The following LDLRAD4 variants were observed in gnomAD, a reference collection of about 807,000 sequenced individuals.
LDLRAD4 encodes the protein low-density lipoprotein receptor class A domain-containing protein 4.
Under a neutral mutation model 17.0 loss-of-function variants are expected in LDLRAD4, and 5 were observed. The observed-to-expected ratio is 0.29, with a 90% CI of 0.15 to 0.62. The LOEUF (loss-of-function observed/expected upper bound fraction) is 0.62, where lower values mean the gene tolerates loss of function less well. Among genes scored for constraint, LDLRAD4 ranks in the 20% least tolerant of loss-of-function variants. The pLI is 0.84. For synonymous variants in LDLRAD4, 168 were observed against 171.8 expected (o/e 0.98, Z 0.17); for missense variants, 340 against 424.7 (o/e 0.80, Z 1.75).
intron 3 of LDLRAD4, among the ~76,000 whole-genome samples, chr18:13,445,584 G>A (rs376231770): frequency 1.2e-4 from 18 of 151,850 alleles, no homozygotes; most frequent in Non-Finnish European, 2.4e-4. Context: ...GTGTGTATGC[G>A]TGAGGGTCTA....
At chr18:13,499,936 C>T (rs1201610919) in intron 3 of LDLRAD4, among the ~76,000 whole-genome samples, 1 of 152,192 alleles carries the variant, frequency 6.6e-6, no homozygotes, top group East Asian at 1.9e-4. Context: ...GTCCTAATGA[C>T]AAAAGACACC....
chr18:13,480,616 G>A (rs2093059590), intron 3 of LDLRAD4, among the ~76,000 whole-genome samples: 1 of 152,214 alleles, frequency 6.6e-6, no homozygotes, highest in African/African-American at 2.4e-5. Context: ...GCCACTCTGT[G>A]TGGGATGTGA....
Position 13,435,970 on chromosome 18 carries a change from A to G in LDLRAD4, c.41-2274A>G, listed in dbSNP as rs2090628421. Reference sequence around the variant, plus strand: ...GAAACTGAGGCAGTGCTATGAGATGAGGCAAAATGGAATAAAATGGGAAGA... The same window carrying G: ...GAAACTGAGGCAGTGCTATGAGATGGGGCAAAATGGAATAAAATGGGAAGA... On this transcript the variant is annotated intron_variant, in intron 2 of 5. Coordinates refer to ENST00000359446, the Ensembl canonical transcript of LDLRAD4. Among the ~76,000 whole-genome samples, 4 of 152,242 alleles carry G rather than the reference A, an allele frequency of 2.6e-5. No individual in the cohort carries two copies. The South Asian group carries it at 8.3e-4, about 32-fold the overall frequency.
chr18:13,565,251 G>C (rs1030560239), intron 3 of LDLRAD4, among the ~76,000 whole-genome samples: 1 of 152,218 alleles, frequency 6.6e-6, no homozygotes, highest in Non-Finnish European at 1.5e-5. Flanking sequence ...GGGTTGGCCA[G>C]GGGTGTCCAG....
At chr18:13,642,669 T>G in intron 4 of LDLRAD4, 7 of 1,231,440 alleles carry the variant, frequency 5.7e-6, no homozygotes, top group Non-Finnish European at 7.1e-6. Context: ...GGGCCACCTC[T>G]GCCAGGGCTT....
In LDLRAD4 at chr18:13,346,557, A is replaced by C. The variant is rs1306190089; in HGVS notation, c.-382-40784A>C. Reference sequence around the variant, plus strand: ...GCTGAAAAGAATGTATATTCTGTTGATTTGGGGTGGAGAGTTCTGTAGATG... The same window carrying C: ...GCTGAAAAGAATGTATATTCTGTTGCTTTGGGGTGGAGAGTTCTGTAGATG... On this transcript the variant is annotated intron_variant, in intron 1 of 5. Transcript: ENST00000359446. Among the ~76,000 whole-genome samples, 5 of 152,104 alleles carry C rather than the reference A, an allele frequency of 3.3e-5. No homozygotes were observed. In the East Asian group the frequency reaches 9.6e-4, roughly 29 times the overall value.
At chr18:13,387,576 G>T in exon 2 of LDLRAD4, 1 of 719,594 alleles carries the variant, frequency 1.4e-6, no homozygotes, top group Non-Finnish European at 2.4e-6. Flanking sequence ...CGAGAGCCGG[G>T]CAGGTGGGCC....
exon 6 of LDLRAD4, chr18:13,647,623 A>C (rs1032596042): frequency 6.6e-6 from 1 of 152,318 alleles, no homozygotes; most frequent in Non-Finnish European, 1.5e-5. Context: ...CTCTGTAGAT[A>C]GGTCACTGGT....
intron 1 of LDLRAD4, among the ~76,000 whole-genome samples, chr18:13,234,627 C>T (rs567729199): frequency 4.1e-4 from 62 of 152,234 alleles, no homozygotes; most frequent in African/African-American, 1.5e-3. Flanking sequence ...TCACCTGAGC[C>T]TCCGTGGGTT....
intron 3 of LDLRAD4, among the ~76,000 whole-genome samples, chr18:13,447,953 C>T (rs79111919): frequency 0.018 from 2,749 of 152,272 alleles, 95 homozygotes; most frequent in African/African-American, 0.063. Context: ...TAGAAATCAA[C>T]GTGATCCTGC....
chr18:13,389,335 C>T (rs180751512), intron 2 of LDLRAD4, among the ~76,000 whole-genome samples: 21 of 152,104 alleles, frequency 1.4e-4, no homozygotes, highest in African/African-American at 5.1e-4. Flanking sequence ...ATACTCCTCC[C>T]CTCCAGTCAG....
At chr18:13,419,219 C>T (rs1380050460) in intron 2 of LDLRAD4, among the ~76,000 whole-genome samples, 2 of 152,130 alleles carry the variant, frequency 1.3e-5, no homozygotes, top group East Asian at 1.9e-4. Flanking sequence ...GACATCTGTA[C>T]GTAGACATCT....
intron 1 of LDLRAD4, among the ~76,000 whole-genome samples, chr18:13,326,939 A>C (rs1416641034): frequency 3.9e-5 from 6 of 152,108 alleles, no homozygotes; most frequent in African/African-American, 1.4e-4. Flanking sequence ...TGCTTACTGA[A>C]GTGTAAAATA....
At chr18:13,506,285 T>C (rs1185200417) in intron 3 of LDLRAD4, among the ~76,000 whole-genome samples, 3 of 151,722 alleles carry the variant, frequency 2.0e-5, no homozygotes, top group African/African-American at 7.3e-5. Flanking sequence ...TTTTGTTACA[T>C]ATGTGTACAT....
At chr18:13,418,825 C>A (rs780330150) in intron 2 of LDLRAD4, among the ~76,000 whole-genome samples, 7 of 152,148 alleles carry the variant, frequency 4.6e-5, no homozygotes, top group Non-Finnish European at 7.3e-5. Context: ...GAAGCTAAGC[C>A]GCCACACCTG....
chr18:13,598,191 C>T (rs1470321473), intron 3 of LDLRAD4, among the ~76,000 whole-genome samples: 1 of 152,194 alleles, frequency 6.6e-6, no homozygotes, highest in Non-Finnish European at 1.5e-5. Context: ...GTTGTTTTCT[C>T]ATTTATTTAG....
intron 1 of LDLRAD4, among the ~76,000 whole-genome samples, chr18:13,293,780 T>C (rs916095177): frequency 6.6e-6 from 1 of 152,240 alleles, no homozygotes; most frequent in Non-Finnish European, 1.5e-5. Flanking sequence ...TTAGTCATTG[T>C]CACTTCCACT....
chr18:13,281,718 T>C (rs1433977073), intron 1 of LDLRAD4, among the ~76,000 whole-genome samples: 1 of 152,186 alleles, frequency 6.6e-6, no homozygotes, highest in Admixed American at 6.5e-5. Context: ...TGAAAGAGTT[T>C]CTGAGTTCTT....
intron 3 of LDLRAD4, among the ~76,000 whole-genome samples, chr18:13,502,110 GA>G (rs1237793705): frequency 6.6e-6 from 1 of 152,214 alleles, no homozygotes; most frequent in Non-Finnish European, 1.5e-5. Flanking sequence ...TACTCATTGT[GA>G]AAGTTTTTGC....
Sources: allele counts gnomAD v4.1 joint callset (sites outside exome capture counted in the v4.1 genomes callset), GRCh38; gene constraint gnomAD v4.1.1; transcripts MANE v1.5; gene names NCBI Gene and HGNC (gene_info 2026-07-23, HGNC 2026-07-21).